KIRREL3: variants seen among roughly 807,000 people sequenced by gnomAD.
KIRREL3 encodes the protein kirre like nephrin family adhesion molecule 3, also known as kin of IRRE-like protein 3.
Under a neutral mutation model 89.7 loss-of-function variants are expected in KIRREL3, and 36 were observed. The ratio of observed to expected loss-of-function variants is 0.40; its 90% CI spans 0.31 to 0.53. The LOEUF (loss-of-function observed/expected upper bound fraction) is 0.53. Ranked by LOEUF, KIRREL3 falls within the 20% of genes least tolerant of loss-of-function variation. KIRREL3 has a pLI of 0.49. For missense variants in KIRREL3, 864 were observed against 1,056.6 expected, an observed-to-expected ratio of 0.82 and a Z score of 2.53; for synonymous variants, 445 against 441.4, an observed-to-expected ratio of 1.01 and a Z score of -0.10.
chr11:126,538,079 G>C (rs73633799), intron 2 of KIRREL3, among the ~76,000 whole-genome samples: 1,738 of 152,126 alleles, frequency 0.011, 34 homozygotes, highest in African/African-American at 0.039. Context: ...TGAGAATGGA[G>C]GCTTTGCAAA....
At chr11:126,920,319 G>T (rs904420363) in intron 1 of KIRREL3, 1 of 152,252 alleles carries the variant, frequency 6.6e-6, no homozygotes, top group East Asian at 1.9e-4. Context: ...GAAATCTATC[G>T]ATTAGACAAA....
chr11:126,475,981 T>C lies in KIRREL3; in HGVS notation c.434-2515A>G, dbSNP rs1273503876. ...CTGGAAAAAGAGCCACGTGGAGCCCTGGGGACAGCCTGGATACCTGGGGCC... is the reference window on the plus strand; with the variant it reads ...CTGGAAAAAGAGCCACGTGGAGCCCCGGGGACAGCCTGGATACCTGGGGCC... On this transcript the variant is annotated intron_variant, in intron 4 of 16. Coordinates refer to ENST00000525144, the MANE Select transcript of KIRREL3 (RefSeq NM_032531.4). The surrounding 1 kb of genome is among the most constrained non-coding windows in gnomAD (Gnocchi z 7.5). Among the ~76,000 whole-genome samples the C allele has an allele frequency of 6.6e-6, 1 of 152,138 alleles. No homozygotes were observed. The highest frequency in any genetic ancestry group is 2.4e-5 in the African/African-American group (1 of 41,428).
chr11:126,576,364 C>T lies in KIRREL3; in HGVS notation c.56-13452G>A, dbSNP rs140279275. Reference sequence around the variant, plus strand: ...TTTATTCTAATTTCATTCATTCATTCTCATTCATTCATTCATTCATTCAAG... The same window carrying T: ...TTTATTCTAATTTCATTCATTCATTTTCATTCATTCATTCATTCATTCAAG... On this transcript the variant is annotated intron_variant, in intron 1 of 16. Coordinates refer to ENST00000525144, the MANE Select transcript of KIRREL3 (RefSeq NM_032531.4). The surrounding 1 kb of genome is among the most constrained non-coding windows in gnomAD (Gnocchi z 5.4). 7.5e-4 allele frequency among the ~76,000 whole-genome samples: 114 copies of T among 152,156 alleles called. 2 individuals carry two copies. The highest frequency in any genetic ancestry group is 2.4e-3 in the African/African-American group (101 of 41,470).
chr11:126,629,359 T>A (rs966504807), intron 1 of KIRREL3, among the ~76,000 whole-genome samples: 2 of 152,110 alleles, frequency 1.3e-5, no homozygotes, highest in South Asian at 4.1e-4. Context: ...GCCAGCCTTG[T>A]GAGCTTCCTG....
chr11:126,935,782 C>A (rs1784349), intron 1 of KIRREL3: 134,109 of 152,252 alleles, frequency 0.88, 59,288 homozygotes, highest in Middle Eastern at 0.96. Context: ...AATCTATCCT[C>A]TTTGATACTA....
rs1938373364 is a variant in KIRREL3, at chr11:126,541,599, C to CA, written c.134-14913_134-14912insT. On this transcript the variant is annotated intron_variant, in intron 2 of 16. Transcript: ENST00000525144. This position sits in a 1 kb window ranked among gnomAD's most constrained non-coding sequence, Gnocchi z 4.8. ...AAACTTCCATGTGCATGAGGATCACCTGGGGGACTGGCTAAAAATAACAGT... is the reference window on the plus strand; with the variant it reads ...AAACTTCCATGTGCATGAGGATCACCATGGGGGACTGGCTAAAAATAACAGT... Among the ~76,000 whole-genome samples, 1 of 152,198 alleles carries CA rather than the reference C, an allele frequency of 6.6e-6. No individual in the cohort carries two copies. The highest frequency in any genetic ancestry group is 1.5e-5 in the Non-Finnish European group (1 of 68,038).
intron 1 of KIRREL3, among the ~76,000 whole-genome samples, chr11:126,572,130 A>G (rs150117322): frequency 3.3e-5 from 5 of 152,330 alleles, no homozygotes; most frequent in Middle Eastern, 3.4e-3. Context: ...GAGGCCAGGC[A>G]GGAAAAGGCA....
At chr11:126,532,173 G>A (rs947676307) in intron 2 of KIRREL3, among the ~76,000 whole-genome samples, 3 of 152,154 alleles carry the variant, frequency 2.0e-5, no homozygotes, top group African/African-American at 7.2e-5. Flanking sequence ...AAGGCTCACA[G>A]AAATGCAGGG....
rs1157068870 is a variant in KIRREL3, at chr11:126,664,010, T to C, written c.56-101098A>G. Among the ~76,000 whole-genome samples, 1 of 152,240 alleles carries C rather than the reference T, an allele frequency of 6.6e-6. No homozygotes were observed. The highest frequency in any genetic ancestry group is 1.9e-4 in the East Asian group (1 of 5,196). On this transcript the variant is annotated intron_variant, in intron 1 of 16. Transcript: ENST00000525144. This position sits in a 1 kb window ranked among gnomAD's most constrained non-coding sequence, Gnocchi z 5.4. ...ATTTTCCTGAGAGTGTGTGTGTCTG[T>C]GCTTTTGAGCCTGTGCCCCTGGCAC...
chr11:127,000,186 T>C lies in KIRREL3; in HGVS notation c.55+269A>G, dbSNP rs561667362. Among the ~76,000 whole-genome samples the C allele has an allele frequency of 1.3e-5, 2 of 152,302 alleles. No homozygotes were observed. The highest frequency in any genetic ancestry group is 4.1e-4 in the South Asian group (2 of 4,822). ...CAGAAGCATAAAGAACTCATTTGCA[T>C]TGGAGAGTTTGAGCTGGATATTGAC... On this transcript the variant is annotated intron_variant, in intron 1 of 16. Transcript: ENST00000525144. This position sits in a 1 kb window ranked among gnomAD's most constrained non-coding sequence, Gnocchi z 7.1.
chr11:126,747,139 C>T lies in KIRREL3; in HGVS notation c.56-184227G>A, dbSNP rs1431864922. On this transcript the variant is annotated intron_variant, in intron 1 of 16. Coordinates refer to ENST00000525144, the MANE Select transcript of KIRREL3 (RefSeq NM_032531.4). The surrounding 1 kb of genome is among the most constrained non-coding windows in gnomAD (Gnocchi z 4.7). Reference sequence around the variant, plus strand: ...CTCAGCTGTGTAGCTAACTTGTTTTCCTTCCCCATCAAATGAGCAAGTTGG... The same window carrying T: ...CTCAGCTGTGTAGCTAACTTGTTTTTCTTCCCCATCAAATGAGCAAGTTGG... 1.3e-5 allele frequency among the ~76,000 whole-genome samples: 2 copies of T among 152,212 alleles called. No homozygotes were observed. The highest frequency in any genetic ancestry group is 4.8e-5 in the African/African-American group (2 of 41,456).
intron 1 of KIRREL3, among the ~76,000 whole-genome samples, chr11:126,873,689 A>C (rs1945180795): frequency 6.6e-6 from 1 of 152,184 alleles, no homozygotes; most frequent in South Asian, 2.1e-4. Flanking sequence ...GGAACACCTC[A>C]GGTCCACAAA....
chr11:126,457,537 A>C (rs1452466128), intron 6 of KIRREL3, among the ~76,000 whole-genome samples: 1 of 131,276 alleles, frequency 7.6e-6, no homozygotes, highest in Non-Finnish European at 1.7e-5. Flanking sequence ...GTAGAGCGAG[A>C]GAGAGAGAGA....
intron 1 of KIRREL3, among the ~76,000 whole-genome samples, chr11:126,597,186 G>C (rs1942436844): frequency 6.6e-6 from 1 of 152,166 alleles, no homozygotes; most frequent in Non-Finnish European, 1.5e-5. Context: ...TTGGCTCTCT[G>C]TGGCAGGGGG....
rs1310442910 is a variant in KIRREL3, at chr11:126,563,008, A to C, written c.56-96T>G. ...GGGGGCTGTGGAGCTTGTTGCTCTT[A>C]TAAACAGAGGTGCTTTTGTTTAGCC... On this transcript the variant is annotated intron_variant, in intron 1 of 16. Transcript: ENST00000525144. The surrounding 1 kb of genome is among the most constrained non-coding windows in gnomAD (Gnocchi z 6.8). 1.3e-5 allele frequency: 10 copies of C among 782,762 alleles called. No homozygotes were observed. In the East Asian group the frequency reaches 2.6e-4, roughly 20 times the overall value. The allele number at this position is 782,762 out of a possible 1,614,324, so 48.5% of individuals were successfully genotyped here.
intron 1 of KIRREL3, among the ~76,000 whole-genome samples, chr11:126,707,914 G>C (rs111909767): frequency 0.014 from 2,146 of 150,866 alleles, 59 homozygotes; most frequent in African/African-American, 0.05. Flanking sequence ...TGAGAAAGCA[G>C]TTATCTTTTT....
intron 4 of KIRREL3, among the ~76,000 whole-genome samples, chr11:126,481,883 C>T (rs1957226793): frequency 6.6e-6 from 1 of 152,198 alleles, no homozygotes; most frequent in Admixed American, 6.5e-5. Flanking sequence ...TCTGAAAGTC[C>T]CTCATTGCCA....
chr11:126,857,804 G>A (rs1419677902), intron 1 of KIRREL3, among the ~76,000 whole-genome samples: 1 of 142,130 alleles, frequency 7.0e-6, no homozygotes, highest in East Asian at 2.2e-4. Flanking sequence ...GGGTGAGGCT[G>A]GGCCCTCTAG....
chr11:126,782,557 A>G lies in KIRREL3; in HGVS notation c.55+217898T>C, dbSNP rs1950359474. 6.6e-6 allele frequency among the ~76,000 whole-genome samples: 1 copy of G among 152,178 alleles called. No homozygotes were observed. Among genetic ancestry groups the G allele is most frequent in the African/African-American group, 2.4e-5 (1 of 41,442 alleles). On this transcript the variant is annotated intron_variant, in intron 1 of 16. Transcript: ENST00000525144. The surrounding 1 kb of genome is among the most constrained non-coding windows in gnomAD (Gnocchi z 4.1). The stretch of plus-strand genomic sequence containing the variant: ...CAGAAAAGAAATTCGTAGGTTTACA[A>G]TTCTATATGCTGTACATGTGCACTG...
Sources: allele counts gnomAD v4.1 joint callset (sites outside exome capture counted in the v4.1 genomes callset), GRCh38; gene constraint gnomAD v4.1.1; non-coding constraint Gnocchi (gnomAD v3.1); transcripts MANE v1.5; gene names NCBI Gene and HGNC (gene_info 2026-07-23, HGNC 2026-07-21).